The following GNAL variants were observed in gnomAD, a reference collection of about 807,000 sequenced individuals.
GNAL encodes G protein subunit alpha L.
GNAL carries 18 observed loss-of-function variants against 55.1 expected under a neutral mutation model. That is an observed-to-expected ratio of 0.33 (90% CI 0.23 to 0.48). The LOEUF is 0.48. Ranked by LOEUF, GNAL falls within the 20% of genes least tolerant of loss-of-function variation. GNAL has a pLI of 0.99. For missense variants in GNAL, 412 were observed against 614.1 expected (o/e 0.67, Z 3.48); for synonymous variants, 253 against 237.0 (o/e 1.07, Z -0.62).
intron 4 of GNAL, among the ~76,000 whole-genome samples, chr18:11,798,682 T>C (rs1172229098): frequency 6.6e-6 from 1 of 152,222 alleles, no homozygotes; most frequent in Non-Finnish European, 1.5e-5. Context: ...ATACTTTGAA[T>C]ATAATTTTGA....
chr18:11,851,247 C>T, intron 5 of GNAL: 2 of 445,390 alleles, frequency 4.5e-6, no homozygotes, highest in East Asian at 3.6e-5. Context: ...GCGTTCCCCG[C>T]CGCAGCGCCG....
At chr18:11,771,836 A>G (rs1383689120) in intron 4 of GNAL, among the ~76,000 whole-genome samples, 3 of 151,952 alleles carry the variant, frequency 2.0e-5, no homozygotes, top group Non-Finnish European at 1.5e-5. Flanking sequence ...TGCCTCAGCC[A>G]CCCCAGTAGC....
At chr18:11,862,561 T>G in intron 6 of GNAL, 112 bp downstream of exon 6, 1 of 908,356 alleles carries the variant, frequency 1.1e-6, no homozygotes, top group South Asian at 1.4e-5. Context: ...AGATACCTAC[T>G]TTTTGCAAAT....
intron 4 of GNAL, among the ~76,000 whole-genome samples, chr18:11,779,022 T>G (rs1469492146): frequency 6.6e-6 from 1 of 152,066 alleles, no homozygotes; most frequent in East Asian, 1.9e-4. Flanking sequence ...TGATGGGAAC[T>G]GATAAAAATA....
intron 4 of GNAL, among the ~76,000 whole-genome samples, chr18:11,795,723 C>T (rs959014920): frequency 5.3e-5 from 8 of 152,188 alleles, no homozygotes; most frequent in Non-Finnish European, 8.8e-5. Context: ...TGTCACCAAG[C>T]TGCAGGACAG....
chr18:11,805,855 A>T (rs1475726286), intron 4 of GNAL, among the ~76,000 whole-genome samples: 3 of 152,052 alleles, frequency 2.0e-5, no homozygotes, highest in African/African-American at 4.8e-5. Context: ...TTTCCTTTGG[A>T]TATATACCTA....
At chr18:11,760,351 G>A (rs1055810801) in intron 4 of GNAL, among the ~76,000 whole-genome samples, 7 of 152,154 alleles carry the variant, frequency 4.6e-5, no homozygotes, top group Non-Finnish European at 8.8e-5. Context: ...TTGCCCCACA[G>A]CCATCCTGTT....
intron 4 of GNAL, among the ~76,000 whole-genome samples, chr18:11,764,031 T>G (rs185274711): frequency 6.7e-4 from 102 of 152,344 alleles, no homozygotes; most frequent in Middle Eastern, 3.4e-3. Flanking sequence ...TCTATATAGA[T>G]GCCCTTTTTC....
intron 4 of GNAL, among the ~76,000 whole-genome samples, chr18:11,784,521 A>G (rs1173783408): frequency 6.6e-6 from 1 of 152,238 alleles, no homozygotes; most frequent in East Asian, 1.9e-4. Context: ...CCTTTGCCCA[A>G]AAAGAGCCAC....
intron 4 of GNAL, among the ~76,000 whole-genome samples, chr18:11,816,228 T>A (rs1393066570): frequency 3.3e-5 from 5 of 152,178 alleles, no homozygotes; most frequent in Non-Finnish European, 1.5e-5. Flanking sequence ...GCCCACCAGC[T>A]GGTGAATGGA....
intron 1 of GNAL, among the ~76,000 whole-genome samples, chr18:11,701,165 A>C (rs1439443724): frequency 6.6e-6 from 1 of 152,232 alleles, no homozygotes; most frequent in African/African-American, 2.4e-5. Context: ...TGGGTCAAGA[A>C]CATGATTCCA....
At chr18:11,730,262 C>T (rs983143090) in intron 1 of GNAL, among the ~76,000 whole-genome samples, 6 of 151,414 alleles carry the variant, frequency 4.0e-5, no homozygotes, top group Non-Finnish European at 4.4e-5. Context: ...CAGGTTCAAG[C>T]GATTCTTCTG....
intron 9 of GNAL, among the ~76,000 whole-genome samples, chr18:11,870,456 G>A (rs965725373): frequency 1.3e-5 from 2 of 152,174 alleles, no homozygotes; most frequent in Admixed American, 1.3e-4. Flanking sequence ...GGGAGGTGGA[G>A]GTTGCAGCGA....
At chr18:11,743,469 CAG>C (rs2032623612) in intron 1 of GNAL, among the ~76,000 whole-genome samples, 1 of 152,120 alleles carries the variant, frequency 6.6e-6, no homozygotes, top group Non-Finnish European at 1.5e-5. Context: ...GTAGAAAAGT[CAG>C]GGTATCTAGA....
At chr18:11,821,705 G>A (rs1439237443) in intron 4 of GNAL, among the ~76,000 whole-genome samples, 1 of 152,238 alleles carries the variant, frequency 6.6e-6, no homozygotes, top group African/African-American at 2.4e-5. Flanking sequence ...CCTCCAAGCT[G>A]GGGAGCTGCG....
At position 11,881,206 on chromosome 18, in the gene GNAL, G is replaced by A; in HGVS notation, c.*71G>A. ...GACTGCCAGCCCCATGCCATGGTAG[G>A]AGGCAGAGTCTCTAGTTCCATCTCG... On this transcript the variant is annotated 3_prime_UTR_variant, in exon 12 of 12. Coordinates refer to ENST00000334049, the MANE Select transcript of GNAL (RefSeq NM_182978.4). This position sits in a 1 kb window ranked among gnomAD's most constrained non-coding sequence, Gnocchi z 4.8. The A allele has an allele frequency of 6.9e-7, 1 of 1,443,302 alleles. No individual in the cohort carries two copies. Among genetic ancestry groups the A allele is most frequent in the Non-Finnish European group, 9.4e-7 (1 of 1,061,890 alleles). 89.4% of individuals were successfully genotyped at this position (1,443,302 alleles called of 1,614,324 possible).
At chr18:11,738,984 T>C (rs2032517114) in intron 1 of GNAL, among the ~76,000 whole-genome samples, 1 of 152,162 alleles carries the variant, frequency 6.6e-6, no homozygotes, top group East Asian at 1.9e-4. Context: ...TACTGCCTTA[T>C]TTCATGCGAT....
At chr18:11,779,563 C>G (rs947187777) in intron 4 of GNAL, among the ~76,000 whole-genome samples, 1 of 152,168 alleles carries the variant, frequency 6.6e-6, no homozygotes, top group African/African-American at 2.4e-5. Context: ...TGACCTAGCT[C>G]CAAGATAAGC....
chr18:11,780,017 A>G (rs938665998), intron 4 of GNAL, among the ~76,000 whole-genome samples: 2 of 152,174 alleles, frequency 1.3e-5, no homozygotes, highest in African/African-American at 4.8e-5. Context: ...CATATATACC[A>G]TTGCAACATG....
Sources: allele counts gnomAD v4.1 joint callset (sites outside exome capture counted in the v4.1 genomes callset), GRCh38; gene constraint gnomAD v4.1.1; non-coding constraint Gnocchi (gnomAD v3.1); transcripts MANE v1.5; gene names NCBI Gene and HGNC (gene_info 2026-07-23, HGNC 2026-07-21).